Variants in PHLDB1 observed in about 807,000 individuals in gnomAD.
PHLDB1 encodes the protein pleckstrin homology-like domain family B member 1.
A neutral mutation model predicts 139.3 loss-of-function variants in PHLDB1; 65 were observed. The observed-to-expected ratio is 0.47, with a 90% CI of 0.38 to 0.57. The LOEUF is 0.57. PHLDB1 is among the 20% of genes least tolerant of loss of function. The probability of loss-of-function intolerance (pLI) is 0.00; values close to 1 mark genes in which losing one functional copy is unlikely to be tolerated. For synonymous variants in PHLDB1, 679 were observed against 734.5 expected, an observed-to-expected ratio of 0.92 and a Z score of 1.22; for missense variants, 1,624 against 1,839.7, an observed-to-expected ratio of 0.88 and a Z score of 2.14.
At chr11:118,616,896 T>G (rs1591477011) in intron 4 of PHLDB1, among the ~76,000 whole-genome samples, 2 of 152,054 alleles carry the variant, frequency 1.3e-5, no homozygotes, top group East Asian at 3.9e-4. Flanking sequence ...AATACAAAAA[T>G]TAGCCACACG....
At chr11:118,646,872 C>T (rs1465182314) in intron 17 of PHLDB1, 1 of 152,166 alleles carries the variant, frequency 6.6e-6, no homozygotes. Flanking sequence ...AAAAGAATGC[C>T]TCCTATCTTA....
intron 6 of PHLDB1, among the ~76,000 whole-genome samples, chr11:118,630,598 A>G (rs1944638353): frequency 6.6e-6 from 1 of 152,104 alleles, no homozygotes; most frequent in African/African-American, 2.4e-5. Context: ...ACCTGTCTGT[A>G]TGCTAGACTG....
intron 4 of PHLDB1, among the ~76,000 whole-genome samples, chr11:118,619,796 G>GAGTGGGCT (rs781861863): frequency 6.6e-6 from 1 of 152,252 alleles, no homozygotes; most frequent in Non-Finnish European, 1.5e-5. Context: ...CAGCATGGGT[G>GAGTGGGCT]AGTGGGCTAG....
At position 118,628,571 on chromosome 11, in the gene PHLDB1, G is replaced by A. The variant is rs782062587; in HGVS notation, c.1748G>A (p.Ser583Asn). 3.1e-6 allele frequency: 5 copies of A among 1,613,046 alleles called. No homozygotes were observed. The East Asian group carries it at 8.9e-5, about 29-fold the overall frequency. Reference protein sequence around the residue: ...RERKNSITEISDNEDDLLEYH... With the variant: ...RERKNSITEINDNEDDLLEYH... ...CGGAAAAATAGCATCACAGAGATCA[G>A]TGACAATGAGGACGACCTCCTGGAG... is the stretch of plus-strand genomic sequence containing the variant. Residue 583 changes from serine to asparagine, a missense_variant, in exon 6 of 23, where the codon AGT becomes AAT. Physicochemically the swap from Ser to Asn is conservative, Grantham distance 46 (BLOSUM62 1). Transcript: ENST00000600882.
chr11:118,643,935 C>T lies in PHLDB1; in HGVS notation c.3013C>T (p.Pro1005Ser), dbSNP rs1470143535. The change falls in exon 14 of 23, where the codon CCA (proline) becomes TCA (serine). Residue 1005 changes from proline (P) to serine (S), a missense_variant. Coordinates refer to ENST00000600882, the MANE Select transcript of PHLDB1 (RefSeq NM_001144758.3). ...GGCTACCCTGGGGCGTAGCCCCTCC[C>T]CAAAGGTCTGAGGACAGTGGGTGGG... Reference protein sequence around the residue: ...SVATLGRSPSPKSALLTQNGT... With the variant: ...SVATLGRSPSSKSALLTQNGT... The T allele has an allele frequency of 6.3e-7, 1 of 1,598,136 alleles. No homozygotes were observed. The highest frequency in any genetic ancestry group is 1.3e-5 in the African/African-American group (1 of 74,644).
rs1948168734 is a variant in PHLDB1, at chr11:118,650,322, T to C, written c.3772-123T>C. The C allele has an allele frequency of 1.0e-6, 1 of 984,164 alleles. No homozygotes were observed. Among genetic ancestry groups the C allele is most frequent in the African/African-American group, 1.6e-5 (1 of 62,872 alleles). 61.0% of individuals were successfully genotyped at this position (984,164 alleles called of 1,614,324 possible). A position where few individuals can be genotyped will look rare whatever the true frequency, so the allele number is the denominator to read the frequency against. ...CTAACCAGATCTCTGTCCCAGGACC[T>C]GGTGTGCTGGCCTGAGGAGATGTTG... On this transcript the variant is annotated intron_variant, in intron 19 of 22. Coordinates refer to ENST00000600882, the MANE Select transcript of PHLDB1 (RefSeq NM_001144758.3). The surrounding 1 kb of genome is among the most constrained non-coding windows in gnomAD (Gnocchi z 4.7).
chr11:118,628,907 G>A (rs1037513186), intron 6 of PHLDB1, among the ~76,000 whole-genome samples: 1 of 152,234 alleles, frequency 6.6e-6, no homozygotes, highest in Non-Finnish European at 1.5e-5. Context: ...TTGTTTTAAT[G>A]TTAAATTAAA....
rs782772376 is a variant in PHLDB1, at chr11:118,630,107, A to G, written c.1828-1100A>G. On this transcript the variant is annotated intron_variant, in intron 6 of 22. Transcript: ENST00000600882. ...GGTAAGTGTATGAGAACACCTCTCC[A>G]GCCTTCTCTCCACTTCCTGCGGTTT... The G allele has an allele frequency of 1.5e-5, 18 of 1,238,790 alleles. No homozygotes were observed. In the South Asian group the frequency reaches 2.1e-4, roughly 15 times the overall value. The allele number at this position is 1,238,790 out of a possible 1,614,324, so 76.7% of individuals were successfully genotyped here.
chr11:118,638,765 A>G, intron 10 of PHLDB1, 126 bp from the exon 11 acceptor site: 1 of 703,722 alleles, frequency 1.4e-6, no homozygotes, highest in Non-Finnish European at 2.4e-6. Flanking sequence ...AGTTGAGGCC[A>G]AGCAGAAGAG....
At chr11:118,623,188 G>A (rs1477054124) in intron 4 of PHLDB1, among the ~76,000 whole-genome samples, 11 of 152,360 alleles carry the variant, frequency 7.2e-5, no homozygotes, top group Admixed American at 4.6e-4. Flanking sequence ...TCAGACTGGC[G>A]TGAAGCTTGG....
At chr11:118,609,694 T>C (rs946848545) in intron 1 of PHLDB1, among the ~76,000 whole-genome samples, 1 of 152,326 alleles carries the variant, frequency 6.6e-6, no homozygotes, top group East Asian at 1.9e-4. Context: ...TCCTTCTCTC[T>C]GCCCCGCCAA....
In PHLDB1 at chr11:118,628,210, T is replaced by C. The variant is rs147167446; in HGVS notation, c.1387T>C (p.Ser463Pro). 6.2e-7 allele frequency: 1 copy of C among 1,613,952 alleles called. No homozygotes were observed. Among genetic ancestry groups the C allele is most frequent in the Non-Finnish European group, 8.5e-7 (1 of 1,179,950 alleles). ...SMRELPPLSP[S>P]LSRRALSPLP... ...GCGAGAACTACCCCCCTTAAGTCCATCTCTGTCCCGGCGAGCTCTCTCCCC... is the reference window on the plus strand; with the variant it reads ...GCGAGAACTACCCCCCTTAAGTCCACCTCTGTCCCGGCGAGCTCTCTCCCC... Residue 463 changes from serine (S) to proline (P), a missense_variant, in exon 6 of 23, where the codon TCT becomes CCT. Coordinates refer to ENST00000600882, the MANE Select transcript of PHLDB1 (RefSeq NM_001144758.3).
At chr11:118,622,960 G>A (rs1943112166) in intron 4 of PHLDB1, among the ~76,000 whole-genome samples, 2 of 152,174 alleles carry the variant, frequency 1.3e-5, no homozygotes, top group Admixed American at 1.3e-4. Flanking sequence ...CCAGGATAGT[G>A]AGTGGCTTTA....
At chr11:118,643,758 T>C (rs372740155) in intron 13 of PHLDB1, 42 bp from the exon 14 acceptor site, 26 of 1,613,718 alleles carry the variant, frequency 1.6e-5, no homozygotes, top group Non-Finnish European at 2.1e-5. Context: ...AGGTGGCCAA[T>C]GGGGGAGCCA....
intron 12 of PHLDB1, chr11:118,639,621 C>T (rs782506592): frequency 2.1e-5 from 6 of 286,858 alleles, no homozygotes; most frequent in Non-Finnish European, 4.0e-5. Flanking sequence ...TCCTGGGGCT[C>T]TTGGGCTTCA....
In PHLDB1 at chr11:118,645,693, C is replaced by T; in HGVS notation, c.3417-42C>T. ...GCCCGCAGCCTCCCTCAGCCACCGCCTCAGCTCCTTGATGCACTTCCTCTT... is the reference window on the plus strand; with the variant it reads ...GCCCGCAGCCTCCCTCAGCCACCGCTTCAGCTCCTTGATGCACTTCCTCTT... On this transcript the variant is annotated intron_variant, in intron 16 of 22. Transcript: ENST00000600882. This position sits in a 1 kb window ranked among gnomAD's most constrained non-coding sequence, Gnocchi z 5.1. The T allele has an allele frequency of 6.2e-7, 1 of 1,612,584 alleles. No homozygotes were observed. Among genetic ancestry groups the T allele is most frequent in the Non-Finnish European group, 8.5e-7 (1 of 1,178,554 alleles).
chr11:118,638,464 TG>T (rs1202304098), intron 10 of PHLDB1, among the ~76,000 whole-genome samples: 1 of 152,200 alleles, frequency 6.6e-6, no homozygotes, highest in African/African-American at 2.4e-5. Flanking sequence ...GGAAGATATT[TG>T]TGACAGTGTG....
At chr11:118,630,028 G>GTTTTTTT (rs10578316) in intron 6 of PHLDB1, 1 of 1,197,140 alleles carries the variant, frequency 8.4e-7, no homozygotes. Context: ...CTCTGTTCCG[G>GTTTTTTT]TTTTTTTTTT....
chr11:118,618,361 C>A (rs1942081889), intron 4 of PHLDB1, among the ~76,000 whole-genome samples: 1 of 152,086 alleles, frequency 6.6e-6, no homozygotes, highest in African/African-American at 2.4e-5. Context: ...CTTGTCTCAT[C>A]TCTGGAGCAA....
Sources: gnomAD v4.1 joint callset for allele counts (sites outside exome capture counted in the v4.1 genomes callset) on GRCh38, gnomAD v4.1.1 for gene constraint, Gnocchi (gnomAD v3.1) non-coding constraint, MANE v1.5 for transcripts, NCBI Gene and HGNC (gene_info 2026-07-23, HGNC 2026-07-21) for gene names.